The following RARB variants were observed in gnomAD, a reference collection of about 807,000 sequenced individuals.
RARB encodes HBV-activated protein.
RARB carries 17 observed loss-of-function variants against 51.9 expected under a neutral mutation model. The observed-to-expected ratio is 0.33, with a 90% CI of 0.22 to 0.49. RARB has a LOEUF of 0.49. Ranked by LOEUF, RARB falls within the 20% of genes least tolerant of loss-of-function variation. RARB has a pLI of 0.99. For synonymous variants in RARB, 215 were observed against 195.4 expected (o/e 1.10, Z -0.84); for missense variants, 369 against 550.8 (o/e 0.67, Z 3.30).
chr3:25,206,399 A>G (rs1460229772), intron 5 of RARB, among the ~76,000 whole-genome samples: 1 of 152,204 alleles, frequency 6.6e-6, no homozygotes, highest in African/African-American at 2.4e-5. Flanking sequence ...ATTCCAGGGA[A>G]AAATGTGTAA....
intron 2 of RARB, among the ~76,000 whole-genome samples, chr3:24,963,065 A>G (rs1696176504): frequency 6.6e-6 from 1 of 152,156 alleles, no homozygotes; most frequent in South Asian, 2.1e-4. Context: ...CTGATGAACC[A>G]TGCATGTTAA....
chr3:25,531,100 G>A (rs1698885964), intron 3 of RARB, among the ~76,000 whole-genome samples: 1 of 152,140 alleles, frequency 6.6e-6, no homozygotes. Flanking sequence ...TTTTAAGTTA[G>A]TTATTCTGTG....
intron 5 of RARB, among the ~76,000 whole-genome samples, chr3:25,268,753 C>A (rs941275421): frequency 1.3e-5 from 2 of 152,172 alleles, no homozygotes; most frequent in African/African-American, 2.4e-5. Flanking sequence ...ATTATAGAAA[C>A]CTTGCCTGAC....
intron 2 of RARB, among the ~76,000 whole-genome samples, chr3:25,008,635 G>T (rs923032239): frequency 6.6e-6 from 1 of 152,036 alleles, no homozygotes; most frequent in African/African-American, 2.4e-5. Flanking sequence ...CTAGTACCTT[G>T]AAACAGGATG....
intron 5 of RARB, among the ~76,000 whole-genome samples, chr3:25,355,200 A>G (rs2125459906): frequency 6.6e-6 from 1 of 152,280 alleles, no homozygotes; most frequent in South Asian, 2.1e-4. Context: ...CGAGGGTAAC[A>G]GTGGAGATTC....
At chr3:25,331,655 G>A (rs938927320) in intron 5 of RARB, among the ~76,000 whole-genome samples, 24 of 152,040 alleles carry the variant, frequency 1.6e-4, no homozygotes, top group African/African-American at 5.8e-4. Context: ...GCTAGCAGAA[G>A]GTAAGAAATA....
intron 3 of RARB, among the ~76,000 whole-genome samples, chr3:25,543,420 G>A (rs1699469114): frequency 6.6e-6 from 1 of 152,106 alleles, no homozygotes; most frequent in African/African-American, 2.4e-5. Context: ...AGAAAATTCA[G>A]TCTGTTCAGG....
chr3:25,061,522 T>A (rs1175137228), intron 3 of RARB, among the ~76,000 whole-genome samples: 1 of 151,872 alleles, frequency 6.6e-6, no homozygotes, highest in Non-Finnish European at 1.5e-5. Context: ...AACTTTGTTT[T>A]CTTCTCTGCT....
Position 25,436,008 on chromosome 3 carries a change from A to T in RARB, c.157+7120A>T, listed in dbSNP as rs900036920. On this transcript the variant is annotated intron_variant, in intron 1 of 7. Transcript: ENST00000330688. ...AGACACATCTCCAAGGAAGTAAATTACCGGTTCCATTAATTTTACTACATT... is the reference window on the plus strand; with the variant it reads ...AGACACATCTCCAAGGAAGTAAATTTCCGGTTCCATTAATTTTACTACATT... Among the ~76,000 whole-genome samples the T allele has an allele frequency of 3.9e-5, 6 of 152,180 alleles. No individual in the cohort carries two copies. The East Asian group carries it at 1.2e-3, about 29-fold the overall frequency.
chr3:25,372,648 C>A (rs965586527), intron 5 of RARB, among the ~76,000 whole-genome samples: 2 of 152,090 alleles, frequency 1.3e-5, no homozygotes, highest in African/African-American at 4.8e-5. Flanking sequence ...CATAATGAGA[C>A]CCTGTCTTTA....
intron 5 of RARB, among the ~76,000 whole-genome samples, chr3:25,196,818 C>G (rs1379669966): frequency 6.6e-6 from 1 of 152,078 alleles, no homozygotes; most frequent in South Asian, 2.1e-4. Context: ...GTCTGATGAG[C>G]AGTGATAATG....
At chr3:25,066,613 A>G (rs1237873745) in intron 3 of RARB, among the ~76,000 whole-genome samples, 2 of 150,164 alleles carry the variant, frequency 1.3e-5, no homozygotes, top group Non-Finnish European at 3.0e-5. Context: ...AAACACACAC[A>G]CACACACACA....
At chr3:25,282,279 A>T (rs148782497) in intron 5 of RARB, among the ~76,000 whole-genome samples, 174 of 152,236 alleles carry the variant, frequency 1.1e-3, no homozygotes, top group African/African-American at 3.8e-3. Flanking sequence ...ACTCCCAGTG[A>T]GGGGCCTTTG....
chr3:24,876,924 C>T (rs1011274118), intron 2 of RARB, among the ~76,000 whole-genome samples: 8 of 152,070 alleles, frequency 5.3e-5, no homozygotes, highest in Non-Finnish European at 1.0e-4. Flanking sequence ...TCATAAAATA[C>T]TAAGCAAGAA....
chr3:25,482,725 G>C (rs71311502), intron 2 of RARB, among the ~76,000 whole-genome samples: 1 of 151,340 alleles, frequency 6.6e-6, no homozygotes, highest in African/African-American at 2.4e-5. Flanking sequence ...ATTTTTAGTA[G>C]AGACGGGGTT....
intron 5 of RARB, among the ~76,000 whole-genome samples, chr3:25,292,876 C>G (rs1395623959): frequency 1.3e-5 from 2 of 152,184 alleles, no homozygotes; most frequent in Non-Finnish European, 2.9e-5. Flanking sequence ...TAGCTTTTGC[C>G]TTAGTGTCAG....
rs549625015 is a variant in RARB at position 25,248,638 on chromosome 3, G to C, written c.178+74063G>C. Among the ~76,000 whole-genome samples, 4 of 152,238 alleles carry C rather than the reference G, an allele frequency of 2.6e-5. 1 individual carries two copies. In the East Asian group the frequency reaches 7.7e-4, roughly 29 times the overall value. ...TTTTTTACAGGACAATACTAGTGGT[G>C]ATGAATTCCTTCAGCTTTTGCTTGT... On this transcript the variant is annotated intron_variant, in intron 5 of 11. Transcript: ENST00000383772.
At chr3:25,548,912 A>G (rs903231681) in intron 3 of RARB, among the ~76,000 whole-genome samples, 1 of 152,138 alleles carries the variant, frequency 6.6e-6, no homozygotes, top group African/African-American at 2.4e-5. Context: ...GTTTGGAGGA[A>G]GCTTGGCTCT....
intron 1 of RARB, among the ~76,000 whole-genome samples, chr3:24,858,397 C>G (rs752994637): frequency 6.6e-5 from 10 of 152,136 alleles, no homozygotes; most frequent in Non-Finnish European, 1.2e-4. Flanking sequence ...GTAAGCCCAC[C>G]CCTGAGCCCA....
Sources: allele counts gnomAD v4.1 joint callset (sites outside exome capture counted in the v4.1 genomes callset), GRCh38; gene constraint gnomAD v4.1.1; transcripts MANE v1.5; gene names NCBI Gene and HGNC (gene_info 2026-07-23, HGNC 2026-07-21).